ZBBX: variants seen among roughly 807,000 people sequenced by gnomAD.
ZBBX encodes zinc finger B-box domain containing.
In ZBBX, 101 loss-of-function variants were observed where a neutral mutation model predicts 108.5. The ratio of observed to expected loss-of-function variants is 0.93; its 90% confidence interval spans 0.79 to 1.10. The LOEUF is 1.10. ZBBX is among the 50% of genes least tolerant of loss of function. The pLI is 0.00. For missense variants in ZBBX, 1,009 were observed against 941.4 expected, an observed-to-expected ratio of 1.07 and a Z score of -0.94; for synonymous variants, 356 against 323.4, an observed-to-expected ratio of 1.10 and a Z score of -1.08.
chr3:167,270,184 A>G (rs1726276677), intron 20 of ZBBX, among the ~76,000 whole-genome samples: 1 of 152,206 alleles, frequency 6.6e-6, no homozygotes, highest in Non-Finnish European at 1.5e-5. Context: ...AAGCTTCAGT[A>G]TGCAGAACCT....
intron 9 of ZBBX, among the ~76,000 whole-genome samples, chr3:167,339,580 T>C (rs144884927): frequency 2.0e-5 from 3 of 152,238 alleles, no homozygotes; most frequent in African/African-American, 7.2e-5. Flanking sequence ...AGGATTTGAG[T>C]GGCCTTCTCC....
intron 20 of ZBBX, among the ~76,000 whole-genome samples, chr3:167,276,931 G>A (rs1405725587): frequency 5.9e-5 from 9 of 152,006 alleles, no homozygotes; most frequent in African/African-American, 1.9e-4. Flanking sequence ...GAGAGTGGGG[G>A]CCAATATTCA....
At chr3:167,334,505 C>A (rs955960518) in intron 9 of ZBBX, among the ~76,000 whole-genome samples, 1 of 151,972 alleles carries the variant, frequency 6.6e-6, no homozygotes. Context: ...ACCCAGGAGG[C>A]GGAGGTTGCA....
chr3:167,317,229 C>T (rs905580935), intron 13 of ZBBX, 124 bp from the exon 14 acceptor site: 1 of 673,082 alleles, frequency 1.5e-6, no homozygotes, highest in Non-Finnish European at 2.4e-6. Context: ...AATACAAATA[C>T]TGTCAATTTT....
chr3:167,347,021 A>G (rs961139289), intron 9 of ZBBX, among the ~76,000 whole-genome samples: 26 of 151,872 alleles, frequency 1.7e-4, no homozygotes, highest in African/African-American at 6.3e-4. Flanking sequence ...GAGGGGGAAT[A>G]TATCATCATA....
chr3:167,198,886 G>T, the ZBBX span, among the ~76,000 whole-genome samples: 1 of 152,154 alleles, frequency 6.6e-6, no homozygotes, highest in African/African-American at 2.4e-5. Context: ...GAAAGTAAAG[G>T]TTATTTGGTA....
chr3:167,212,033 G>A, the ZBBX span, among the ~76,000 whole-genome samples: 1 of 152,102 alleles, frequency 6.6e-6, no homozygotes, highest in Non-Finnish European at 1.5e-5. Flanking sequence ...CTCACTGGGT[G>A]GGATCTACAA....
chr3:167,191,930 T>TAGAGAGAGAGAG, the ZBBX span, among the ~76,000 whole-genome samples: 200 of 127,260 alleles, frequency 1.6e-3, no homozygotes, highest in African/African-American at 6.2e-3. Context: ...TATATATATA[T>TAGAGAGAGAGAG]ATATAGAGCA....
At chr3:167,364,847 T>C (rs1745087993) in intron 6 of ZBBX, among the ~76,000 whole-genome samples, 1 of 151,920 alleles carries the variant, frequency 6.6e-6, no homozygotes, top group Non-Finnish European at 1.5e-5. Context: ...CAAACAAAAC[T>C]CTAAATGTAT....
the ZBBX span, among the ~76,000 whole-genome samples, chr3:167,210,370 G>T: frequency 6.6e-6 from 1 of 151,778 alleles, no homozygotes; most frequent in South Asian, 2.1e-4. Context: ...GTAGACATAA[G>T]AAAAAAGAAT....
chr3:167,386,079 G>A (rs1297489620), intron 1 of ZBBX, among the ~76,000 whole-genome samples: 1 of 151,982 alleles, frequency 6.6e-6, no homozygotes, highest in Non-Finnish European at 1.5e-5. Context: ...AAGAGATTGA[G>A]ATTGAGAGAG....
chr3:167,202,293 C>T, the ZBBX span, among the ~76,000 whole-genome samples: 2 of 152,144 alleles, frequency 1.3e-5, no homozygotes, highest in South Asian at 2.1e-4. Context: ...GAGTACTGAG[C>T]CACTGTTCTC....
At chr3:167,385,919 C>T (rs1747908973) in intron 1 of ZBBX, among the ~76,000 whole-genome samples, 1 of 151,978 alleles carries the variant, frequency 6.6e-6, no homozygotes, top group South Asian at 2.1e-4. Context: ...TGGTGGACAA[C>T]AATAATCTGC....
chr3:167,286,833 C>T lies in ZBBX; in HGVS notation c.1996+2034G>A, dbSNP rs572467112. ...ACTTGCTGCTAAACACACATAGCTA[C>T]GATGTTTTTACATTCATGACTTCTT... is the stretch of plus-strand genomic sequence containing the variant. On this transcript the variant is annotated intron_variant, in intron 19 of 21. Transcript: ENST00000675490. Among the ~76,000 whole-genome samples the T allele has an allele frequency of 1.3e-3, 199 of 152,078 alleles. 2 individuals carry two copies. The South Asian group carries it at 0.015, about 11-fold the overall frequency.
chr3:167,336,704 T>C (rs936499021), intron 9 of ZBBX, among the ~76,000 whole-genome samples: 2 of 152,232 alleles, frequency 1.3e-5, no homozygotes, highest in Non-Finnish European at 2.9e-5. Context: ...TTCCCGAAAC[T>C]GAAAATATTA....
At chr3:167,189,621 C>T in the ZBBX span, among the ~76,000 whole-genome samples, 4 of 152,170 alleles carry the variant, frequency 2.6e-5, no homozygotes, top group South Asian at 4.1e-4. Flanking sequence ...CAGACGTATA[C>T]ATTTTTAAAA....
chr3:167,231,937 C>A, the ZBBX span, among the ~76,000 whole-genome samples: 1 of 151,660 alleles, frequency 6.6e-6, no homozygotes, highest in East Asian at 1.9e-4. Flanking sequence ...TTTTCTAAAT[C>A]TAATCAGAAA....
At chr3:167,397,256 A>G (rs1017802216) in intron 1 of ZBBX, among the ~76,000 whole-genome samples, 2 of 150,434 alleles carry the variant, frequency 1.3e-5, no homozygotes, top group African/African-American at 4.9e-5. Context: ...TTTTTCTTAC[A>G]GCCATCAATT....
At chr3:167,392,633 C>T (rs1354237202) in intron 1 of ZBBX, among the ~76,000 whole-genome samples, 1 of 151,738 alleles carries the variant, frequency 6.6e-6, no homozygotes, top group African/African-American at 2.4e-5. Context: ...TCATTGAACC[C>T]CATCTGCCTC....
Sources: gnomAD v4.1 joint callset for allele counts (sites outside exome capture counted in the v4.1 genomes callset) on GRCh38, gnomAD v4.1.1 for gene constraint, MANE v1.5 for transcripts, NCBI Gene and HGNC (gene_info 2026-07-23, HGNC 2026-07-21) for gene names.